EPS8L1: variants seen among roughly 807,000 people sequenced by gnomAD.
The protein encoded by EPS8L1 is EPS8 signaling adaptor L1.
EPS8L1 carries 101 observed loss-of-function variants against 91.7 expected under a neutral mutation model. The ratio of observed to expected loss-of-function variants is 1.10; its 90% confidence interval spans 0.94 to 1.30. The LOEUF is 1.30. Ranked by LOEUF, EPS8L1 falls within the 50% of genes most tolerant of loss-of-function variation. The pLI, the probability that EPS8L1 is intolerant of heterozygous loss-of-function variation, is 0.00. For missense variants in EPS8L1, 1,114 were observed against 1,017.0 expected (o/e 1.10, Z -1.30); for synonymous variants, 506 against 445.3 (o/e 1.14, Z -1.72).
chr19:55,083,396 G>A lies in EPS8L1; in HGVS notation c.1233G>A (p.Glu411=), dbSNP rs1290700102. The change falls in exon 13 of 20, where the codon GAG becomes GAA. Residue 411 remains glutamate, a synonymous_variant. Transcript: ENST00000201647. This position sits in a 1 kb window ranked among gnomAD's most constrained non-coding sequence, Gnocchi z 4.7. Reference sequence around the variant, plus strand: ...GCCGCAGGCTGGAGCTGTCCCCGGAGGAGGGACCCCCATACAGACCCGAGT... The same window carrying A: ...GCCGCAGGCTGGAGCTGTCCCCGGAAGAGGGACCCCCATACAGACCCGAGT... The part of the protein sequence containing the change: ...WTRPGLELSP[E]EGPPYRPEFF... 2.5e-6 allele frequency: 4 copies of A among 1,613,122 alleles called. No individual in the cohort carries two copies. The Admixed American group carries it at 5.0e-5, about 20-fold the overall frequency.
rs1249329054 is a variant in EPS8L1 at position 55,076,237 on chromosome 19, G to A, written c.-37-171G>A. On this transcript the variant is annotated intron_variant, in intron 1 of 19. Coordinates refer to ENST00000201647, the MANE Select transcript of EPS8L1 (RefSeq NM_133180.3). ...GGTCTGGACTCCTGGGTCTAGGGAA[G>A]AGGGACTGGGGCCTGGACTTCTGGG... 4 of 564,728 alleles carry A rather than the reference G, an allele frequency of 7.1e-6. No individual in the cohort carries two copies. The East Asian group carries it at 1.2e-4, about 18-fold the overall frequency. 35.0% of individuals were successfully genotyped at this position (564,728 alleles called of 1,614,324 possible). A position where few individuals can be genotyped will look rare whatever the true frequency, so the allele number is the denominator to read the frequency against.
chr19:55,087,026 G>C, intron 18 of EPS8L1, 138 bp downstream of exon 18: 1 of 1,202,222 alleles, frequency 8.3e-7, no homozygotes, highest in Non-Finnish European at 1.1e-6. Context: ...GGGTCTGTCT[G>C]GTAGCAACAC....
chr19:55,081,928 AC>A lies in EPS8L1; in HGVS notation c.901+34del, dbSNP rs2076274091. On this transcript the variant is annotated intron_variant, in intron 9 of 19. Coordinates refer to ENST00000201647, the MANE Select transcript of EPS8L1 (RefSeq NM_133180.3). The surrounding 1 kb of genome is among the most constrained non-coding windows in gnomAD (Gnocchi z 4.9). ...AGGGGCACCCTGGCGTGGGATCTGAACCCCCTCCCGATCTCTTCCAAATGTC... is the reference window on the plus strand; with the variant it reads ...AGGGGCACCCTGGCGTGGGATCTGAACCCCTCCCGATCTCTTCCAAATGTC... 1 of 1,595,850 alleles carries A rather than the reference AC, an allele frequency of 6.3e-7. No homozygotes were observed. The highest frequency in any genetic ancestry group is 8.5e-7 in the Non-Finnish European group (1 of 1,170,650).
Position 55,081,558 on chromosome 19 carries a change from A to G in EPS8L1, c.774+66A>G, listed in dbSNP as rs1410303068. On this transcript the variant is annotated intron_variant, in intron 8 of 19. Transcript: ENST00000201647. This position sits in a 1 kb window ranked among gnomAD's most constrained non-coding sequence, Gnocchi z 4.9. The stretch of plus-strand genomic sequence containing the variant: ...ACTGGAGGCGGGGCTAGGGCGTGGA[A>G]GGGCGGGGCCGGCTGCGGGACGGGC... 1 of 1,316,268 alleles carries G rather than the reference A, an allele frequency of 7.6e-7. No homozygotes were observed. The highest frequency in any genetic ancestry group is 9.7e-7 in the Non-Finnish European group (1 of 1,029,730). The allele number at this position is 1,316,268 out of a possible 1,614,324, so 81.5% of individuals were successfully genotyped here. A position where few individuals can be genotyped will look rare whatever the true frequency, so the allele number is the denominator to read the frequency against.
Position 55,081,541 on chromosome 19 carries a change from C to G in EPS8L1, c.774+49C>G. 6.9e-7 allele frequency: 1 copy of G among 1,453,966 alleles called. No homozygotes were observed. The highest frequency in any genetic ancestry group is 1.5e-5 in the South Asian group (1 of 66,688). 90.1% of individuals were successfully genotyped at this position (1,453,966 alleles called of 1,614,324 possible). ...GGGGGCAGGGCCAGGCGACTGGAGG[C>G]GGGGCTAGGGCGTGGAAGGGCGGGG... On this transcript the variant is annotated intron_variant, in intron 8 of 19. Transcript: ENST00000201647. This position sits in a 1 kb window ranked among gnomAD's most constrained non-coding sequence, Gnocchi z 4.9.
chr19:55,085,789 G>T, intron 14 of EPS8L1, 52 bp from the exon 15 acceptor site: 4 of 1,584,152 alleles, frequency 2.5e-6, no homozygotes, highest in Non-Finnish European at 3.4e-6. Flanking sequence ...CTGCAGCCCA[G>T]AGCAATGGGG....
intron 1 of EPS8L1, among the ~76,000 whole-genome samples, chr19:55,076,193 TG>T (rs1367712891): frequency 8.4e-5 from 8 of 95,794 alleles, no homozygotes; most frequent in Non-Finnish European, 1.4e-4. Context: ...CTCCTGGGTC[TG>T]AGGGAGGAGG....
rs1166614436 is a variant in EPS8L1 at position 55,083,866 on chromosome 19, A to C, written c.1385+222A>C. On this transcript the variant is annotated intron_variant, in intron 14 of 19. Coordinates refer to ENST00000201647, the MANE Select transcript of EPS8L1 (RefSeq NM_133180.3). The surrounding 1 kb of genome is among the most constrained non-coding windows in gnomAD (Gnocchi z 4.7). ...ACTTCTGGGGCTAAGGGAGTTGGGA[A>C]TGGAGACCCGGATTCCTGGGCCTAA... 16 of 696,320 alleles carry C rather than the reference A, an allele frequency of 2.3e-5. No individual in the cohort carries two copies. The highest frequency in any genetic ancestry group is 3.7e-5 in the Non-Finnish European group (15 of 402,568). 43.1% of individuals were successfully genotyped at this position (696,320 alleles called of 1,614,324 possible). A position where few individuals can be genotyped will look rare whatever the true frequency, so the allele number is the denominator to read the frequency against.
In EPS8L1 at chr19:55,087,368, G is replaced by A. The variant is rs1356190164; in HGVS notation, c.2018G>A (p.Arg673Gln). The A allele has an allele frequency of 6.2e-7, 1 of 1,613,236 alleles. No individual in the cohort carries two copies. The highest frequency in any genetic ancestry group is 1.1e-5 in the South Asian group (1 of 91,020). Residue 673 changes from arginine (R) to glutamine (Q), a missense_variant, in exon 19 of 20, where the codon CGG (arginine) becomes CAG (glutamine). Arg to Gln is a conservative substitution (Grantham distance 43). Coordinates refer to ENST00000201647, the MANE Select transcript of EPS8L1 (RefSeq NM_133180.3). ...TTCTCGCTGCAGAAGGAGGAGCTGC[G>A]GGCGGTGAGCCCCGAGGAGGGGGCA... ...QLFSLQKEELRAVSPEEGARV... is the reference protein window; with the variant it reads ...QLFSLQKEELQAVSPEEGARV...
At chr19:55,084,709 AG>A in intron 14 of EPS8L1, 1 of 152,334 alleles carries the variant, frequency 6.6e-6, no homozygotes, top group Middle Eastern at 3.4e-3. Context: ...CCCTGCCCCC[AG>A]CTGCCTGATA....
chr19:55,080,060 C>G, intron 5 of EPS8L1, 69 bp from the exon 6 acceptor site: 1 of 1,456,264 alleles, frequency 6.9e-7, no homozygotes, highest in East Asian at 2.5e-5. Context: ...TGCTGGCCCA[C>G]ACTCCCGTCG....
In EPS8L1 at chr19:55,085,928, C is replaced by A. The variant is rs147989210; in HGVS notation, c.1473C>A (p.Ala491=). The change falls in exon 15 of 20, where the codon GCC becomes GCA. Residue 491 remains alanine, a synonymous_variant. Coordinates refer to ENST00000201647, the MANE Select transcript of EPS8L1 (RefSeq NM_133180.3). ...KWVLCNYDFQ[A]RNSSELSVKQ... is the part of the protein sequence containing the mutation. Reference sequence around the variant, plus strand: ...TCCTGTGTAATTATGACTTCCAGGCCCGCAACAGCAGTGAGCTGTCGGTCA... The same window carrying A: ...TCCTGTGTAATTATGACTTCCAGGCACGCAACAGCAGTGAGCTGTCGGTCA... 3 of 1,613,622 alleles carry A rather than the reference C, an allele frequency of 1.9e-6. No homozygotes were observed. The highest frequency in any genetic ancestry group is 2.5e-6 in the Non-Finnish European group (3 of 1,179,772).
Position 55,082,040 on chromosome 19 carries a change from T to C in EPS8L1, c.902-52T>C, listed in dbSNP as rs757456050. The C allele has an allele frequency of 2.6e-6, 4 of 1,552,460 alleles. No homozygotes were observed. The East Asian group carries it at 9.7e-5, about 37-fold the overall frequency. ...AACCGGGTGTCCACCTCTCTCTGCC[T>C]GCCTGGTGCTGGCCCCGCGTCCCCA... is the stretch of plus-strand genomic sequence containing the variant. On this transcript the variant is annotated intron_variant, in intron 9 of 19. Transcript: ENST00000201647.
intron 2 of EPS8L1, among the ~76,000 whole-genome samples, chr19:55,077,545 C>T (rs780234222): frequency 6.6e-6 from 1 of 150,516 alleles, no homozygotes; most frequent in African/African-American, 2.4e-5. Flanking sequence ...AGAGATCACA[C>T]TCCCCTACCA....
In EPS8L1 at chr19:55,087,296, C is replaced by A. The variant is rs920020019; in HGVS notation, c.1953-7C>A. 2.5e-6 allele frequency: 4 copies of A among 1,597,846 alleles called. No individual in the cohort carries two copies. Among genetic ancestry groups the A allele is most frequent in the Non-Finnish European group, 1.7e-6 (2 of 1,172,854 alleles). On this transcript the variant is annotated splice_region_variant and splice_polypyrimidine_tract_variant and intron_variant, in intron 18 of 19. Coordinates refer to ENST00000201647, the MANE Select transcript of EPS8L1 (RefSeq NM_133180.3). ...GGCCTGACCGCGCCCGGGCTGCCCT[C>A]GCTCAGGACCGTGGACGCGCTGGGT...
intron 16 of EPS8L1, 74 bp downstream of exon 16, chr19:55,086,266 G>T: frequency 6.2e-7 from 1 of 1,609,282 alleles, no homozygotes; most frequent in South Asian, 1.1e-5. Flanking sequence ...GGGGCGTGGG[G>T]ATCAGCTGTC....
rs2290474 is a variant in EPS8L1 at position 55,082,073 on chromosome 19, G to C, written c.902-19G>C. The C allele has an allele frequency of 2.9e-4, 450 of 1,566,974 alleles. 2 individuals are homozygous for C. The East Asian group carries it at 9.8e-3, about 34-fold the overall frequency. ...GCTGGCCCCGCGTCCCCATCGCCGC[G>C]CCCGTCTGCTCCCCTCAGAGGGCTT... is the stretch of plus-strand genomic sequence containing the variant. On this transcript the variant is annotated intron_variant, in intron 9 of 19. Coordinates refer to ENST00000201647, the MANE Select transcript of EPS8L1 (RefSeq NM_133180.3).
chr19:55,082,044 T>C, intron 9 of EPS8L1, 48 bp from the exon 10 acceptor site: 1 of 1,554,006 alleles, frequency 6.4e-7, no homozygotes, highest in East Asian at 2.4e-5. Flanking sequence ...TCTGCCTGCC[T>C]GGTGCTGGCC....
chr19:55,083,763 T>A lies in EPS8L1; in HGVS notation c.1385+119T>A. On this transcript the variant is annotated intron_variant, in intron 14 of 19. Coordinates refer to ENST00000201647, the MANE Select transcript of EPS8L1 (RefSeq NM_133180.3). This position sits in a 1 kb window ranked among gnomAD's most constrained non-coding sequence, Gnocchi z 4.7. ...TTTCCTTCTGTCTTCCTGGCTCTTC[T>A]CAGGTGGGTGAGATGGTGATGGGGC... 1 of 1,056,178 alleles carries A rather than the reference T, an allele frequency of 9.5e-7. No homozygotes were observed. The highest frequency in any genetic ancestry group is 1.3e-6 in the Non-Finnish European group (1 of 768,964). 65.4% of individuals were successfully genotyped at this position (1,056,178 alleles called of 1,614,324 possible).
Sources: gnomAD v4.1 joint callset for allele counts (sites outside exome capture counted in the v4.1 genomes callset) on GRCh38, gnomAD v4.1.1 for gene constraint, Gnocchi (gnomAD v3.1) non-coding constraint, MANE v1.5 for transcripts, NCBI Gene and HGNC (gene_info 2026-07-23, HGNC 2026-07-21) for gene names.